EFNA5: variants seen among roughly 807,000 people sequenced by gnomAD.
The protein encoded by EFNA5 is ephrin-A5.
EFNA5 carries 5 observed loss-of-function variants against 22.9 expected under a neutral mutation model. The ratio of observed to expected loss-of-function variants is 0.22; its 90% confidence interval spans 0.11 to 0.46. The LOEUF (loss-of-function observed/expected upper bound fraction) is 0.46. EFNA5 is among the 20% of genes least tolerant of loss of function. The pLI, the probability that EFNA5 is intolerant of heterozygous loss-of-function variation, is 0.99. For synonymous variants in EFNA5, 113 were observed against 112.2 expected, an observed-to-expected ratio of 1.01 and a Z score of -0.04; for missense variants, 237 against 293.3, an observed-to-expected ratio of 0.81 and a Z score of 1.40.
At chr5:107,454,320 T>C (rs1258711204) in intron 1 of EFNA5, among the ~76,000 whole-genome samples, 1 of 152,192 alleles carries the variant, frequency 6.6e-6, no homozygotes, top group African/African-American at 2.4e-5. Flanking sequence ...CTTTTGCTAC[T>C]ATTTCATCAA....
intron 1 of EFNA5, among the ~76,000 whole-genome samples, chr5:107,561,304 C>T (rs1351170394): frequency 6.6e-6 from 1 of 152,202 alleles, no homozygotes; most frequent in African/African-American, 2.4e-5. Context: ...TGCTATGCTA[C>T]CTGGTACCAC....
chr5:107,496,734 C>A (rs1354188906), intron 1 of EFNA5, among the ~76,000 whole-genome samples: 1 of 152,184 alleles, frequency 6.6e-6, no homozygotes, highest in Admixed American at 6.5e-5. Context: ...AGTGGATGAC[C>A]CATTCCTGGG....
At chr5:107,468,692 C>T (rs1425194448) in intron 1 of EFNA5, among the ~76,000 whole-genome samples, 6 of 152,116 alleles carry the variant, frequency 3.9e-5, no homozygotes, top group Admixed American at 1.3e-4. Flanking sequence ...TGGTTGAAAG[C>T]TTACATTAAA....
intron 1 of EFNA5, among the ~76,000 whole-genome samples, chr5:107,433,460 T>C (rs191111745): frequency 6.6e-6 from 1 of 152,204 alleles, no homozygotes; most frequent in African/African-American, 2.4e-5. Flanking sequence ...CTAGGGCTAT[T>C]GACAGCAAAA....
At chr5:107,467,055 A>G (rs1458903410) in intron 1 of EFNA5, among the ~76,000 whole-genome samples, 2 of 152,216 alleles carry the variant, frequency 1.3e-5, no homozygotes, top group African/African-American at 4.8e-5. Context: ...CTAAGAGGTT[A>G]CACAGTAATT....
intron 1 of EFNA5, among the ~76,000 whole-genome samples, chr5:107,602,013 C>A (rs1346356010): frequency 6.6e-6 from 1 of 152,134 alleles, no homozygotes; most frequent in African/African-American, 2.4e-5. Context: ...CCTTAATTTA[C>A]TGAATACTAA....
In EFNA5 at chr5:107,654,715, C is replaced by A. The variant is rs56387153; in HGVS notation, c.125+15774G>T. Among the ~76,000 whole-genome samples, 1,012 of 152,168 alleles carry A rather than the reference C, an allele frequency of 6.7e-3. 14 individuals are homozygous for A. Among genetic ancestry groups the A allele is most frequent in the African/African-American group, 0.022 (903 of 41,522 alleles). ...TAAAGAGCATCTTCTGTATTTTAAACATGTAAAATACATTGACATAACTCA... is the reference window on the plus strand; with the variant it reads ...TAAAGAGCATCTTCTGTATTTTAAAAATGTAAAATACATTGACATAACTCA... On this transcript the variant is annotated intron_variant, in intron 1 of 4. Coordinates refer to ENST00000333274, the MANE Select transcript of EFNA5 (RefSeq NM_001962.3).
At chr5:107,644,830 T>C (rs1750601033) in intron 1 of EFNA5, among the ~76,000 whole-genome samples, 1 of 152,136 alleles carries the variant, frequency 6.6e-6, no homozygotes, top group Admixed American at 6.5e-5. Flanking sequence ...GCCTCCTGAG[T>C]AGCTGGGATT....
At chr5:107,575,198 G>T (rs1748902132) in intron 1 of EFNA5, among the ~76,000 whole-genome samples, 1 of 152,224 alleles carries the variant, frequency 6.6e-6, no homozygotes, top group East Asian at 1.9e-4. Flanking sequence ...GCAGCCTTTA[G>T]TCTGTAAGAA....
intron 1 of EFNA5, among the ~76,000 whole-genome samples, chr5:107,625,918 GA>G (rs1479620319): frequency 6.6e-6 from 1 of 152,154 alleles, no homozygotes; most frequent in Non-Finnish European, 1.5e-5. Flanking sequence ...CAATATAGAA[GA>G]TTAAGTATAG....
At chr5:107,581,441 T>C (rs951927118) in intron 1 of EFNA5, among the ~76,000 whole-genome samples, 16 of 152,158 alleles carry the variant, frequency 1.1e-4, no homozygotes, top group African/African-American at 3.6e-4. Flanking sequence ...CAGCCAAAAA[T>C]AGTGAAAAAT....
intron 1 of EFNA5, among the ~76,000 whole-genome samples, chr5:107,645,508 C>G (rs1448775513): frequency 6.6e-6 from 1 of 152,082 alleles, no homozygotes; most frequent in Non-Finnish European, 1.5e-5. Flanking sequence ...CCATTTAAAC[C>G]AATTTATTCA....
intron 1 of EFNA5, among the ~76,000 whole-genome samples, chr5:107,475,647 T>C (rs1272204826): frequency 1.3e-5 from 2 of 152,108 alleles, no homozygotes; most frequent in Non-Finnish European, 2.9e-5. Context: ...CCAGTATAAT[T>C]TTGAAGGCTG....
chr5:107,500,118 A>G (rs1178460773), intron 1 of EFNA5, among the ~76,000 whole-genome samples: 3 of 152,162 alleles, frequency 2.0e-5, no homozygotes, highest in Non-Finnish European at 2.9e-5. Context: ...ATTCACCCAA[A>G]TGCCACTCTT....
intron 1 of EFNA5, among the ~76,000 whole-genome samples, chr5:107,492,672 G>A (rs1746839422): frequency 6.6e-6 from 1 of 152,068 alleles, no homozygotes; most frequent in African/African-American, 2.4e-5. Context: ...CAAAATTAAG[G>A]ATACCTTAGG....
At chr5:107,651,509 G>C (rs1271446172) in intron 1 of EFNA5, among the ~76,000 whole-genome samples, 1 of 151,912 alleles carries the variant, frequency 6.6e-6, no homozygotes, top group African/African-American at 2.4e-5. Context: ...AAGAGCCATA[G>C]GGGGTCCTCG....
intron 1 of EFNA5, among the ~76,000 whole-genome samples, chr5:107,665,888 A>G (rs936237438): frequency 6.6e-6 from 1 of 152,160 alleles, no homozygotes; most frequent in African/African-American, 2.4e-5. Context: ...TGGGTTATAA[A>G]CCTCAATCAT....
intron 1 of EFNA5, among the ~76,000 whole-genome samples, chr5:107,508,166 C>CTA (rs1231168167): frequency 6.6e-6 from 1 of 152,170 alleles, no homozygotes; most frequent in African/African-American, 2.4e-5. Context: ...TGCCACTGAA[C>CTA]TAAACTTGCA....
chr5:107,585,226 T>TATG (rs1394282823), intron 1 of EFNA5, among the ~76,000 whole-genome samples: 1 of 152,200 alleles, frequency 6.6e-6, no homozygotes, highest in Non-Finnish European at 1.5e-5. Context: ...GCTTTTCACT[T>TATG]ATCATAAGAG....
Sources: gnomAD v4.1 joint callset for allele counts (sites outside exome capture counted in the v4.1 genomes callset) on GRCh38, gnomAD v4.1.1 for gene constraint, MANE v1.5 for transcripts, NCBI Gene and HGNC (gene_info 2026-07-23, HGNC 2026-07-21) for gene names.